The following DAPP1 variants were observed in gnomAD, a reference collection of about 807,000 sequenced individuals.
The protein encoded by DAPP1 is dual adapter for phosphotyrosine and 3-phosphotyrosine and 3-phosphoinositide.
Under a neutral mutation model 41.5 loss-of-function variants are expected in DAPP1, and 20 were observed. The observed-to-expected ratio is 0.48, with a 90% CI of 0.34 to 0.70. DAPP1 has a LOEUF of 0.70. Among genes scored for constraint, DAPP1 ranks in the 30% least tolerant of loss-of-function variants. DAPP1 has a pLI of 0.01. For synonymous variants in DAPP1, 113 were observed against 116.2 expected (o/e 0.97, Z 0.18); for missense variants, 233 against 333.4 (o/e 0.70, Z 2.35).
intron 3 of DAPP1, among the ~76,000 whole-genome samples, chr4:99,851,243 T>G (rs1187922716): frequency 6.6e-6 from 1 of 152,168 alleles, no homozygotes; most frequent in Non-Finnish European, 1.5e-5. Context: ...GAAGATCACA[T>G]TGACAAAAGA....
At chr4:99,826,359 G>A (rs1347530394) in intron 1 of DAPP1, among the ~76,000 whole-genome samples, 1 of 152,192 alleles carries the variant, frequency 6.6e-6, no homozygotes, top group Non-Finnish European at 1.5e-5. Context: ...TTTGTTGGCT[G>A]TTCAACTCCA....
At chr4:99,822,799 A>C (rs1248313547) in intron 1 of DAPP1, among the ~76,000 whole-genome samples, 1 of 151,972 alleles carries the variant, frequency 6.6e-6, no homozygotes, top group Non-Finnish European at 1.5e-5. Context: ...GCTCCTACCA[A>C]CTCCCGTAGA....
chr4:99,848,997 C>G (rs1464112538), intron 3 of DAPP1, among the ~76,000 whole-genome samples: 1 of 152,150 alleles, frequency 6.6e-6, no homozygotes, highest in African/African-American at 2.4e-5. Context: ...TTGGCTCTTC[C>G]TTGGGCAAGA....
At chr4:99,840,638 A>G (rs1298067481) in intron 3 of DAPP1, among the ~76,000 whole-genome samples, 1 of 152,228 alleles carries the variant, frequency 6.6e-6, no homozygotes, top group African/African-American at 2.4e-5. Context: ...TGGGCTCACC[A>G]TTTTAAAATA....
intron 4 of DAPP1, 27 bp downstream of exon 4, chr4:99,853,375 G>T: frequency 6.3e-7 from 1 of 1,590,676 alleles, no homozygotes; most frequent in Admixed American, 1.8e-5. Context: ...GTGACCACAA[G>T]CTCTCTCCCT....
At chr4:99,829,282 C>A (rs1409377389) in intron 1 of DAPP1, among the ~76,000 whole-genome samples, 2 of 152,162 alleles carry the variant, frequency 1.3e-5, no homozygotes, top group African/African-American at 4.8e-5. Flanking sequence ...GAGTTTGAGA[C>A]CAGCCTGGCC....
Position 99,835,709 on chromosome 4 carries a change from G to C in DAPP1, c.188G>C (p.Ser63Thr). The change falls in exon 2 of 9, where the codon AGC becomes ACC. Residue 63 changes from serine (S) to threonine (T), a missense_variant. Ser to Thr is a moderately conservative substitution (Grantham distance 58). Transcript: ENST00000512369. ...GCDGSYLLRDSNETTGLYSLS... is the reference protein window; with the variant it reads ...GCDGSYLLRDTNETTGLYSLS... ...GACGGCAGCTACCTTCTGAGGGACA[G>C]CAATGAGACCACCGGGCTGTACTCT... is the stretch of plus-strand genomic sequence containing the variant. 2.5e-6 allele frequency: 4 copies of C among 1,613,764 alleles called. No homozygotes were observed. Among genetic ancestry groups the C allele is most frequent in the Non-Finnish European group, 3.4e-6 (4 of 1,179,774 alleles).
In DAPP1 at chr4:99,861,573, T is replaced by C. The variant is rs766158261; in HGVS notation, c.490-5T>C. The C allele has an allele frequency of 1.9e-6, 3 of 1,569,072 alleles. No individual in the cohort carries two copies. The highest frequency in any genetic ancestry group is 1.7e-6 in the Non-Finnish European group (2 of 1,156,040). ...TGGTCTTCACTCAGTGCTTTTCTTT[T>C]TCAGCTGGGCACCAAAGAAGGTTAC... On this transcript the variant is annotated splice_polypyrimidine_tract_variant and splice_region_variant and intron_variant, in intron 4 of 8. Coordinates refer to ENST00000512369, the MANE Select transcript of DAPP1 (RefSeq NM_014395.3).
At chr4:99,835,405 C>T (rs886410074) in intron 1 of DAPP1, among the ~76,000 whole-genome samples, 1 of 152,146 alleles carries the variant, frequency 6.6e-6, no homozygotes. Context: ...ACTTTCAGGA[C>T]ACAATTCAAC....
chr4:99,818,569 A>G (rs796839494), intron 1 of DAPP1, among the ~76,000 whole-genome samples: 1 of 152,304 alleles, frequency 6.6e-6, no homozygotes, highest in Non-Finnish European at 1.5e-5. Flanking sequence ...GTGCCCCACC[A>G]TGATGTCAAC....
Position 99,835,687 on chromosome 4 carries a change from G to A in DAPP1, c.166G>A (p.Gly56Ser), listed in dbSNP as rs760935963. Residue 56 changes from glycine (G) to serine (S), a missense_variant, in exon 2 of 9, where the codon GGC becomes AGC. Coordinates refer to ENST00000512369, the MANE Select transcript of DAPP1 (RefSeq NM_014395.3). Reference sequence around the variant, plus strand: ...TCTTCTCCTCTCAAATGGATGTGACGGCAGCTACCTTCTGAGGGACAGCAA... The same window carrying A: ...TCTTCTCCTCTCAAATGGATGTGACAGCAGCTACCTTCTGAGGGACAGCAA... ...EALLLSNGCD[G>S]SYLLRDSNET... 11 of 1,613,808 alleles carry A rather than the reference G, an allele frequency of 6.8e-6. No homozygotes were observed. The highest frequency in any genetic ancestry group is 1.3e-5 in the African/African-American group (1 of 74,988).
intron 1 of DAPP1, 106 bp downstream of exon 1, chr4:99,817,120 C>A: frequency 1.4e-6 from 1 of 730,700 alleles, no homozygotes; most frequent in Non-Finnish European, 2.2e-6. Context: ...TTGTTGCCCT[C>A]TGCCACCTCA....
chr4:99,854,397 A>T (rs554194410), intron 4 of DAPP1, among the ~76,000 whole-genome samples: 2 of 152,386 alleles, frequency 1.3e-5, no homozygotes, highest in South Asian at 4.1e-4. Flanking sequence ...GATAGTAATC[A>T]TGACACTTGA....
intron 4 of DAPP1, among the ~76,000 whole-genome samples, chr4:99,855,800 T>A (rs1724025596): frequency 6.6e-6 from 1 of 152,216 alleles, no homozygotes; most frequent in Non-Finnish European, 1.5e-5. Context: ...GGCTACATGA[T>A]GCTGCACCTC....
rs1009179830 is a variant in DAPP1, at chr4:99,870,163, A to T, written c.*1978A>T. 1 of 152,090 alleles carries T rather than the reference A, an allele frequency of 6.6e-6. No homozygotes were observed. The highest frequency in any genetic ancestry group is 1.5e-5 in the Non-Finnish European group (1 of 68,008). 9.4% of individuals were successfully genotyped at this position (152,090 alleles called of 1,614,324 possible). A position where few individuals can be genotyped will look rare whatever the true frequency, so the allele number is the denominator to read the frequency against. On this transcript the variant is annotated 3_prime_UTR_variant, in exon 9 of 9. Transcript: ENST00000512369. Reference sequence around the variant, plus strand: ...GTGCATGTACCATTTTGCTATTAAAATTTATTTTTAATATTTGTAACTTGA... The same window carrying T: ...GTGCATGTACCATTTTGCTATTAAATTTTATTTTTAATATTTGTAACTTGA...
intron 1 of DAPP1, among the ~76,000 whole-genome samples, chr4:99,817,503 G>A (rs562932129): frequency 2.0e-5 from 3 of 152,264 alleles, no homozygotes; most frequent in African/African-American, 7.2e-5. Context: ...CAACAGTCTC[G>A]CTTGTATATT....
At chr4:99,845,511 T>A (rs2110151595) in intron 3 of DAPP1, among the ~76,000 whole-genome samples, 1 of 152,346 alleles carries the variant, frequency 6.6e-6, no homozygotes, top group South Asian at 2.1e-4. Flanking sequence ...TGGAAGAATT[T>A]CTGCTACAAT....
chr4:99,859,220 C>T (rs1343912500), intron 4 of DAPP1, among the ~76,000 whole-genome samples: 1 of 152,014 alleles, frequency 6.6e-6, no homozygotes, highest in East Asian at 1.9e-4. Flanking sequence ...CTGGCCTGGC[C>T]TCAAAATTCT....
intron 1 of DAPP1, among the ~76,000 whole-genome samples, chr4:99,821,718 C>A (rs541721330): frequency 6.6e-6 from 1 of 152,320 alleles, no homozygotes; most frequent in South Asian, 2.1e-4. Flanking sequence ...CATCAAATTT[C>A]TCTCATCTTA....
Sources: gnomAD v4.1 joint callset for allele counts (sites outside exome capture counted in the v4.1 genomes callset) on GRCh38, gnomAD v4.1.1 for gene constraint, MANE v1.5 for transcripts, NCBI Gene and HGNC (gene_info 2026-07-23, HGNC 2026-07-21) for gene names.